FOXP1: variants seen among roughly 807,000 people sequenced by gnomAD.
FOXP1 encodes the protein forkhead box P1, also known as forkhead box protein P1.
Under a neutral mutation model 98.2 loss-of-function variants are expected in FOXP1, and 15 were observed. The observed-to-expected ratio is 0.15, with a 90% CI of 0.10 to 0.24. The LOEUF is 0.24. Among genes scored for constraint, FOXP1 ranks in the 10% least tolerant of loss-of-function variants. The pLI, the probability that FOXP1 is intolerant of heterozygous loss-of-function variation, is 1.00. For missense variants in FOXP1, 633 were observed against 848.5 expected (o/e 0.75, Z 3.15); for synonymous variants, 371 against 314.5 (o/e 1.18, Z -1.90).
intron 2 of FOXP1, among the ~76,000 whole-genome samples, chr3:71,536,496 C>A (rs550025395): frequency 6.6e-6 from 1 of 151,614 alleles, no homozygotes; most frequent in African/African-American, 2.4e-5. Context: ...GTACTAAAGT[C>A]GAAGGACTCT....
chr3:71,366,193 CTT>C (rs1380829478), intron 3 of FOXP1, among the ~76,000 whole-genome samples: 1 of 151,934 alleles, frequency 6.6e-6, no homozygotes, highest in African/African-American at 2.4e-5. Flanking sequence ...AGAGAGATAT[CTT>C]TTTTTAAATC....
At chr3:70,995,827 C>G (rs1357980750) in intron 13 of FOXP1, among the ~76,000 whole-genome samples, 1 of 152,198 alleles carries the variant, frequency 6.6e-6, no homozygotes, top group Admixed American at 6.5e-5. Flanking sequence ...TCCCTGTTAA[C>G]AAGCTCTACA....
At chr3:71,026,535 A>G (rs1250101973) in intron 11 of FOXP1, among the ~76,000 whole-genome samples, 1 of 152,178 alleles carries the variant, frequency 6.6e-6, no homozygotes, top group Non-Finnish European at 1.5e-5. Flanking sequence ...AGCACAGTGT[A>G]GTGTGTCTGA....
At chr3:71,261,459 CT>C in intron 5 of FOXP1, among the ~76,000 whole-genome samples, 1 of 151,424 alleles carries the variant, frequency 6.6e-6, no homozygotes. Flanking sequence ...GAAAAACAGA[CT>C]TTTATTTCCG....
At chr3:71,486,601 A>G (rs2090669526) in intron 3 of FOXP1, among the ~76,000 whole-genome samples, 1 of 152,226 alleles carries the variant, frequency 6.6e-6, no homozygotes, top group Admixed American at 6.5e-5. Context: ...AAGAAATAAT[A>G]ATATGCAACA....
Position 71,315,079 on chromosome 3 carries a change from T to TAAAAAAA in FOXP1, c.-72-15206_-72-15200dup, listed in dbSNP as rs11355298. 3.1e-3 allele frequency among the ~76,000 whole-genome samples: 222 copies of TAAAAAAA among 70,624 alleles called. 1 individual carries two copies. Among genetic ancestry groups the TAAAAAAA allele is most frequent in the East Asian group, 6.6e-3 (10 of 1,526 alleles). 46.3% of individuals were successfully genotyped at this position (70,624 alleles called of 152,430 possible). A position where few individuals can be genotyped will look rare whatever the true frequency, so the allele number is the denominator to read the frequency against. ...TGAACTAATCCACACCTGGTCCATGTAAAAAAAAAAAAAAAAAAAAAAAAA... is the reference window on the plus strand; with the variant it reads ...TGAACTAATCCACACCTGGTCCATGTAAAAAAAAAAAAAAAAAAAAAAAAAAAAAAAA... On this transcript the variant is annotated intron_variant, in intron 4 of 20. Coordinates refer to ENST00000649528, the MANE Select transcript of FOXP1 (RefSeq NM_001349338.3).
At chr3:71,112,416 G>C in intron 7 of FOXP1, 120 bp downstream of exon 7, 1 of 847,130 alleles carries the variant, frequency 1.2e-6, no homozygotes, top group Admixed American at 2.0e-5. Context: ...AACCAAAAAT[G>C]CACTTTCCAC....
chr3:71,312,407 C>G (rs566353661), intron 4 of FOXP1, among the ~76,000 whole-genome samples: 3 of 152,240 alleles, frequency 2.0e-5, no homozygotes, highest in African/African-American at 7.2e-5. Context: ...GTGTTCACTA[C>G]GAAGAATTCA....
intron 1 of FOXP1, chr3:71,582,744 G>A (rs2048286166): frequency 9.1e-6 from 9 of 985,430 alleles, no homozygotes; most frequent in Non-Finnish European, 9.6e-6. Flanking sequence ...CGGGAAAGCG[G>A]AGGCCGAGCG....
chr3:71,482,216 C>G (rs940069058), intron 3 of FOXP1, among the ~76,000 whole-genome samples: 1 of 152,114 alleles, frequency 6.6e-6, no homozygotes, highest in Admixed American at 6.6e-5. Flanking sequence ...CCAGGTACCA[C>G]TTGCACAGTA....
intron 4 of FOXP1, among the ~76,000 whole-genome samples, chr3:71,319,660 A>T (rs2075283490): frequency 6.6e-6 from 1 of 151,930 alleles, no homozygotes; most frequent in Non-Finnish European, 1.5e-5. Flanking sequence ...TGCCACTGAA[A>T]CCTCTGTTGC....
intron 7 of FOXP1, among the ~76,000 whole-genome samples, chr3:71,090,242 G>A (rs1355683201): frequency 1.3e-5 from 2 of 152,094 alleles, no homozygotes; most frequent in Non-Finnish European, 2.9e-5. Context: ...CATTTTCTAA[G>A]CTTCTTTCAC....
rs147675674 is a variant in FOXP1, at chr3:71,100,942, G to A, written c.282+11594C>T. On this transcript the variant is annotated intron_variant, in intron 7 of 20. Transcript: ENST00000649528. Reference sequence around the variant, plus strand: ...GTTCTGAAGAGCAGAATGACATGGCGTTCGAGGAGAGGATAGGAGGTGAGC... The same window carrying A: ...GTTCTGAAGAGCAGAATGACATGGCATTCGAGGAGAGGATAGGAGGTGAGC... 1.9e-3 allele frequency among the ~76,000 whole-genome samples: 292 copies of A among 152,258 alleles called. 1 individual carries two copies. The highest frequency in any genetic ancestry group is 6.8e-3 in the African/African-American group (281 of 41,536).
chr3:71,464,185 C>T (rs76204832), intron 3 of FOXP1, among the ~76,000 whole-genome samples: 5 of 151,868 alleles, frequency 3.3e-5, no homozygotes, highest in African/African-American at 1.2e-4. Context: ...TTGAAGTGGG[C>T]GGATCAACTG....
chr3:71,343,950 T>C (rs2077168748), intron 4 of FOXP1, among the ~76,000 whole-genome samples: 1 of 152,252 alleles, frequency 6.6e-6, no homozygotes, highest in African/African-American at 2.4e-5. Context: ...GCCGGGTTTT[T>C]TCATTGGTCT....
chr3:71,322,934 A>C (rs1012666121), intron 4 of FOXP1, among the ~76,000 whole-genome samples: 6 of 151,794 alleles, frequency 4.0e-5, no homozygotes, highest in Non-Finnish European at 7.4e-5. Flanking sequence ...CCCCAAATGC[A>C]TTAAATCCCT....
intron 3 of FOXP1, among the ~76,000 whole-genome samples, chr3:71,378,670 G>A (rs1431045499): frequency 2.6e-5 from 4 of 151,378 alleles, no homozygotes; most frequent in Non-Finnish European, 5.9e-5. Flanking sequence ...CTGGCATATT[G>A]GTATAATTGT....
At chr3:71,126,014 C>T (rs1248189140) in intron 6 of FOXP1, among the ~76,000 whole-genome samples, 1 of 152,140 alleles carries the variant, frequency 6.6e-6, no homozygotes, top group Non-Finnish European at 1.5e-5. Flanking sequence ...AGTCTAGAGC[C>T]TCACACTCAA....
chr3:71,076,077 A>G (rs746744487), intron 7 of FOXP1, among the ~76,000 whole-genome samples: 3 of 152,096 alleles, frequency 2.0e-5, no homozygotes, highest in African/African-American at 2.4e-5. Context: ...AATGAACTGT[A>G]GGTTGACCAA....
Sources: gnomAD v4.1 joint callset for allele counts (sites outside exome capture counted in the v4.1 genomes callset) on GRCh38, gnomAD v4.1.1 for gene constraint, MANE v1.5 for transcripts, NCBI Gene and HGNC (gene_info 2026-07-23, HGNC 2026-07-21) for gene names.